The following USP13 variants were observed in gnomAD, a reference collection of about 807,000 sequenced individuals.
The protein encoded by USP13 is ubiquitin specific peptidase 13.
Under a neutral mutation model 107.8 loss-of-function variants are expected in USP13, and 68 were observed. The ratio of observed to expected loss-of-function variants is 0.63; its 90% confidence interval spans 0.52 to 0.77. The LOEUF (loss-of-function observed/expected upper bound fraction) is 0.77. USP13 is among the 30% of genes least tolerant of loss of function. The pLI is 0.00. For synonymous variants in USP13, 377 were observed against 389.5 expected (o/e 0.97, Z 0.38); for missense variants, 945 against 1,093.3 (o/e 0.86, Z 1.91).
intron 1 of USP13, among the ~76,000 whole-genome samples, chr3:179,657,278 G>T (rs1720293847): frequency 6.6e-6 from 1 of 152,218 alleles, no homozygotes; most frequent in Admixed American, 6.5e-5. Flanking sequence ...ACCACTTTGG[G>T]AGGCCGAGGC....
intron 2 of USP13, among the ~76,000 whole-genome samples, chr3:179,684,415 A>T (rs1485247088): frequency 6.6e-6 from 1 of 151,960 alleles, no homozygotes; most frequent in Non-Finnish European, 1.5e-5. Flanking sequence ...GGCTCAAGTG[A>T]TCCTCCCACC....
rs1216625372 is a variant in USP13 at position 179,785,326 on chromosome 3, G to GAC, written c.*1190_*1191dup. On this transcript the variant is annotated 3_prime_UTR_variant, in exon 21 of 21. Transcript: ENST00000263966. ...TGATGTGACCAACAGTGTGATCTTGGACACACTAAGGATTTTAGATGCAAA... is the reference window on the plus strand; with the variant it reads ...TGATGTGACCAACAGTGTGATCTTGGACACACACTAAGGATTTTAGATGCAAA... 1.3e-5 allele frequency: 2 copies of GAC among 152,058 alleles called. No individual in the cohort carries two copies. The highest frequency in any genetic ancestry group is 2.9e-5 in the Non-Finnish European group (2 of 68,024). 9.4% of individuals were successfully genotyped at this position (152,058 alleles called of 1,614,324 possible).
chr3:179,747,325 C>T (rs1313897180), intron 13 of USP13, among the ~76,000 whole-genome samples: 1 of 152,194 alleles, frequency 6.6e-6, no homozygotes, highest in African/African-American at 2.4e-5. Flanking sequence ...AGACTGATTC[C>T]TCGAACATTT....
chr3:179,743,252 G>A (rs911351409), intron 12 of USP13, among the ~76,000 whole-genome samples: 30 of 152,240 alleles, frequency 2.0e-4, no homozygotes, highest in Non-Finnish European at 1.5e-4. Context: ...AGGCCTGTTG[G>A]TGGGTGGGGG....
At chr3:179,686,904 C>G (rs1711892781) in intron 2 of USP13, among the ~76,000 whole-genome samples, 1 of 152,196 alleles carries the variant, frequency 6.6e-6, no homozygotes, top group Admixed American at 6.5e-5. Context: ...TTGGCTTCCG[C>G]TTATCCTTTC....
intron 1 of USP13, among the ~76,000 whole-genome samples, chr3:179,671,644 A>C (rs1720751859): frequency 6.6e-6 from 1 of 152,224 alleles, no homozygotes; most frequent in Non-Finnish European, 1.5e-5. Flanking sequence ...AGAGTGTTAC[A>C]TTTCATGGAG....
chr3:179,656,985 C>T (rs796422027), intron 1 of USP13, among the ~76,000 whole-genome samples: 1 of 152,060 alleles, frequency 6.6e-6, no homozygotes, highest in Non-Finnish European at 1.5e-5. Flanking sequence ...GGGGGATTAC[C>T]ACATAGAATG....
chr3:179,668,657 A>G (rs1720655678), intron 1 of USP13, among the ~76,000 whole-genome samples: 1 of 152,086 alleles, frequency 6.6e-6, no homozygotes, highest in African/African-American at 2.4e-5. Flanking sequence ...CCTGGGCTTA[A>G]GTAGGTCTCC....
intron 15 of USP13, 50 bp downstream of exon 15, chr3:179,754,904 T>C: frequency 6.5e-7 from 1 of 1,538,102 alleles, no homozygotes; most frequent in South Asian, 1.3e-5. Context: ...CCCTGTTCTA[T>C]AGGAACAGTC....
intron 15 of USP13, 88 bp from the exon 16 acceptor site, chr3:179,756,964 G>A: frequency 6.9e-7 from 1 of 1,438,920 alleles, no homozygotes; most frequent in Non-Finnish European, 9.7e-7. Context: ...GAGGGCATTG[G>A]AAATGCCCTG....
intron 3 of USP13, among the ~76,000 whole-genome samples, chr3:179,693,419 C>G (rs908329299): frequency 3.9e-5 from 6 of 152,170 alleles, no homozygotes; most frequent in African/African-American, 1.4e-4. Flanking sequence ...TCCCAAAGTG[C>G]TGGGATTACA....
At chr3:179,707,726 A>G (rs1434202706) in intron 5 of USP13, among the ~76,000 whole-genome samples, 1 of 152,146 alleles carries the variant, frequency 6.6e-6, no homozygotes, top group Non-Finnish European at 1.5e-5. Context: ...CTCCATTCAT[A>G]TCTCCTCTTA....
intron 1 of USP13, among the ~76,000 whole-genome samples, chr3:179,657,762 C>CAAAAAAAAAAAA (rs35377039): frequency 2.2e-4 from 16 of 73,782 alleles, no homozygotes; most frequent in African/African-American, 4.1e-4. Flanking sequence ...AATTCCGTCT[C>CAAAAAAAAAAAA]AAAAAAAAAA....
At position 179,653,389 on chromosome 3, in the gene USP13, C is replaced by A. The variant is rs376341612; in HGVS notation, c.164C>A (p.Ser55Tyr). 1.9e-6 allele frequency: 3 copies of A among 1,559,184 alleles called. No individual in the cohort carries two copies. Among genetic ancestry groups the A allele is most frequent in the Non-Finnish European group, 2.6e-6 (3 of 1,151,612 alleles). Residue 55 changes from serine to tyrosine, a missense_variant, in exon 1 of 21, where the codon TCT (serine) becomes TAT (tyrosine). Ser to Tyr is a moderately radical substitution (Grantham distance 144, BLOSUM62 -2). Coordinates refer to ENST00000263966, the MANE Select transcript of USP13 (RefSeq NM_003940.3). The surrounding 1 kb of genome is among the most constrained non-coding windows in gnomAD (Gnocchi z 4.0). ...YKNECAFSYD[S>Y]PNSEGGLYVC... ...AACGAGTGCGCCTTCTCCTACGACT[C>A]TCCCGTAAGTGAGGCGCCTCGGGGG...
In USP13 at chr3:179,736,988, C is replaced by A. The variant is rs183443774; in HGVS notation, c.1255-3259C>A. Among the ~76,000 whole-genome samples the A allele has an allele frequency of 4.4e-4, 67 of 152,338 alleles. 1 individual carries two copies. The highest frequency in any genetic ancestry group is 3.4e-3 in the Middle Eastern group (1 of 294). On this transcript the variant is annotated intron_variant, in intron 10 of 20. Transcript: ENST00000263966. Reference sequence around the variant, plus strand: ...TGATGTGAATGCCTAAACAGAAATGCACAAATGCCAAGGGATTTATTCCAA... The same window carrying A: ...TGATGTGAATGCCTAAACAGAAATGAACAAATGCCAAGGGATTTATTCCAA...
In USP13 at chr3:179,721,932, G is replaced by A. The variant is rs918639690; in HGVS notation, c.1088+343G>A. ...AAAAATACAAAAATTAGCCAGGGGT[G>A]GTGGTGCACGCCTGTAATTCCAGCT... is the stretch of plus-strand genomic sequence containing the variant. On this transcript the variant is annotated intron_variant, in intron 8 of 20. Coordinates refer to ENST00000263966, the MANE Select transcript of USP13 (RefSeq NM_003940.3). The surrounding 1 kb of genome is among the most constrained non-coding windows in gnomAD (Gnocchi z 4.3). 1.3e-5 allele frequency among the ~76,000 whole-genome samples: 2 copies of A among 151,974 alleles called. No individual in the cohort carries two copies. The highest frequency in any genetic ancestry group is 6.6e-5 in the Admixed American group (1 of 15,256).
intron 4 of USP13, among the ~76,000 whole-genome samples, chr3:179,703,243 C>T (rs986006063): frequency 3.3e-5 from 5 of 152,194 alleles, no homozygotes. Flanking sequence ...GATTTATCTA[C>T]ATAGAAGATG....
At chr3:179,667,986 T>C (rs1720635821) in intron 1 of USP13, among the ~76,000 whole-genome samples, 1 of 152,110 alleles carries the variant, frequency 6.6e-6, no homozygotes, top group Non-Finnish European at 1.5e-5. Context: ...TAATAAATGA[T>C]GCCTCAGTAG....
chr3:179,697,530 A>G (rs1161019818), intron 3 of USP13, among the ~76,000 whole-genome samples: 3 of 152,136 alleles, frequency 2.0e-5, no homozygotes, highest in South Asian at 4.1e-4. Context: ...GGATCATCAA[A>G]GCAGAGTTTA....
Sources: allele counts gnomAD v4.1 joint callset (sites outside exome capture counted in the v4.1 genomes callset), GRCh38; gene constraint gnomAD v4.1.1; non-coding constraint Gnocchi (gnomAD v3.1); transcripts MANE v1.5; gene names NCBI Gene and HGNC (gene_info 2026-07-23, HGNC 2026-07-21).